Variants in ZNF578 observed in about 807,000 individuals in gnomAD.
The protein encoded by ZNF578 is zinc finger protein 578.
Under a neutral mutation model 8.3 loss-of-function variants are expected in ZNF578, and 8 were observed. The ratio of observed to expected loss-of-function variants is 0.96; its 90% CI spans 0.56 to 1.74. The LOEUF (loss-of-function observed/expected upper bound fraction) is 1.74, where lower values mean the gene tolerates loss of function less well. Ranked by LOEUF, ZNF578 falls within the 40% of genes most tolerant of loss-of-function variation. The probability of loss-of-function intolerance (pLI) is 0.00; values close to 1 mark genes in which losing one functional copy is unlikely to be tolerated. For synonymous variants in ZNF578, 206 were observed against 232.2 expected (o/e 0.89, Z 1.03); for missense variants, 726 against 707.5 (o/e 1.03, Z -0.30).
intron 3 of ZNF578, among the ~76,000 whole-genome samples, chr19:52,499,959 C>A (rs111243638): frequency 0.19 from 28,843 of 151,888 alleles, 2,931 homozygotes; most frequent in Non-Finnish European, 0.23. Context: ...TGTTCCAGCC[C>A]CACGGGCCGC....
intron 5 of ZNF578, among the ~76,000 whole-genome samples, chr19:52,509,463 A>T (rs1246940500): frequency 6.6e-6 from 1 of 152,154 alleles, no homozygotes; most frequent in African/African-American, 2.4e-5. Flanking sequence ...AGTATGTGGT[A>T]TGCAATATAA....
chr19:52,486,848 A>G (rs535933326), intron 2 of ZNF578, among the ~76,000 whole-genome samples: 1 of 152,136 alleles, frequency 6.6e-6, no homozygotes, highest in African/African-American at 2.4e-5. Flanking sequence ...AAGAGGTTAA[A>G]TAAGTTGTGA....
At chr19:52,492,476 A>G (rs11084169) in intron 3 of ZNF578, among the ~76,000 whole-genome samples, 24,093 of 152,178 alleles carry the variant, frequency 0.16, 2,363 homozygotes, top group East Asian at 0.37. Flanking sequence ...GGCGAATAGA[A>G]AGAGAGAGGA....
At chr19:52,490,562 A>T (rs1207101094) in intron 2 of ZNF578, among the ~76,000 whole-genome samples, 1 of 152,206 alleles carries the variant, frequency 6.6e-6, no homozygotes, top group Non-Finnish European at 1.5e-5. Flanking sequence ...ACACTGCACT[A>T]GTTAAATTCA....
intron 3 of ZNF578, among the ~76,000 whole-genome samples, 173 bp from the exon 4 acceptor site, chr19:52,501,654 A>G (rs115002246): frequency 1.3e-5 from 2 of 152,144 alleles, no homozygotes; most frequent in Admixed American, 6.5e-5. Context: ...AGGGTCAAAC[A>G]TACACTTATA....
At chr19:52,503,258 A>C (rs1012274104) in intron 4 of ZNF578, among the ~76,000 whole-genome samples, 2 of 152,128 alleles carry the variant, frequency 1.3e-5, no homozygotes, top group African/African-American at 4.8e-5. Context: ...ATAGCTTGCT[A>C]CAGCCTTGAT....
At chr19:52,477,098 T>A (rs1362540899) in intron 2 of ZNF578, among the ~76,000 whole-genome samples, 1 of 152,220 alleles carries the variant, frequency 6.6e-6, no homozygotes, top group Non-Finnish European at 1.5e-5. Flanking sequence ...AGTCAACTAC[T>A]CCAGGGACTA....
chr19:52,492,460 A>G (rs1186740722), intron 3 of ZNF578, among the ~76,000 whole-genome samples: 1 of 152,176 alleles, frequency 6.6e-6, no homozygotes, highest in Non-Finnish European at 1.5e-5. Context: ...TCCCTCCTGA[A>G]TGAATGGCGA....
chr19:52,454,149 G>T (rs2059231797), intron 1 of ZNF578: 1 of 152,176 alleles, frequency 6.6e-6, no homozygotes, highest in South Asian at 2.1e-4. Flanking sequence ...GACACTCAGT[G>T]TTTTTCCGTT....
chr19:52,458,484 T>TATATATATATATATATA (rs1167339096), intron 2 of ZNF578: 1 of 11,600 alleles, frequency 8.6e-5, no homozygotes, highest in Non-Finnish European at 2.4e-4. Context: ...ATATATATAT[T>TATATATATATATATATA]TTGAAAATCT....
rs778383782 is a variant in ZNF578 at position 52,501,908 on chromosome 19, G to T, written c.63G>T (p.Gln21His). 1.9e-5 allele frequency: 31 copies of T among 1,612,848 alleles called. 2 individuals are homozygous for T. The South Asian group carries it at 3.2e-4, about 17-fold the overall frequency. The change falls in exon 4 of 6, where the codon CAG (glutamine) becomes CAT (histidine). Residue 21 changes from glutamine (Q) to histidine (H), a missense_variant and splice_region_variant. Physicochemically the swap from Gln to His is conservative, Grantham distance 24. Coordinates refer to ENST00000421239, the MANE Select transcript of ZNF578 (RefSeq NM_001099694.2). The stretch of plus-strand genomic sequence containing the variant: ...AGGAGCCAGGCATGGCTCTTCCTCA[G>T]GTGAAGTGATATTCCTCTGTGGATT... ...KGKEPGMALP[Q>H]GRLTFRDVAI...
At position 52,459,713 on chromosome 19, in the gene ZNF578, A is replaced by ATGTGTGGATATGTG. The variant is rs1555751302; in HGVS notation, c.-122+2761_-122+2762insGATATGTGTGTGTG. Among the ~76,000 whole-genome samples the ATGTGTGGATATGTG allele has an allele frequency of 2.2e-3, 40 of 18,240 alleles. 1 individual carries two copies. Among genetic ancestry groups the ATGTGTGGATATGTG allele is most frequent in the African/African-American group, 5.7e-3 (40 of 7,036 alleles). The allele number at this position is 18,240 out of a possible 152,430, so 12.0% of individuals were successfully genotyped here. A position where few individuals can be genotyped will look rare whatever the true frequency, so the allele number is the denominator to read the frequency against. ...TGGGTATGAGTGTGTATATGTAGAT[A>ATGTGTGGATATGTG]TGTGTGTGTGTGTGTGTGTGTGTGT... On this transcript the variant is annotated intron_variant, in intron 2 of 5. Transcript: ENST00000421239.
chr19:52,498,706 G>A lies in ZNF578; in HGVS notation c.-19-3121G>A, dbSNP rs1438940335. 9.8e-5 allele frequency among the ~76,000 whole-genome samples: 5 copies of A among 51,242 alleles called. No individual in the cohort carries two copies. The South Asian group carries it at 1.7e-3, about 17-fold the overall frequency. 33.6% of individuals were successfully genotyped at this position (51,242 alleles called of 152,430 possible). A position where few individuals can be genotyped will look rare whatever the true frequency, so the allele number is the denominator to read the frequency against. The stretch of plus-strand genomic sequence containing the variant: ...CCGCTTTTTTTTTTTTTTTTTGTAA[G>A]ACAGAGTGTCACCCTATCACCCAGG... On this transcript the variant is annotated intron_variant, in intron 3 of 5. Transcript: ENST00000421239.
Position 52,498,883 on chromosome 19 carries a change from A to G in ZNF578, c.-19-2944A>G, listed in dbSNP as rs1364964481. The stretch of plus-strand genomic sequence containing the variant: ...ATTTTTGTTAGAGATGGGGTTTACT[A>G]TGTTGCCCGTGTTGGTCTCAGACTT... On this transcript the variant is annotated intron_variant, in intron 3 of 5. Coordinates refer to ENST00000421239, the MANE Select transcript of ZNF578 (RefSeq NM_001099694.2). Among the ~76,000 whole-genome samples the G allele has an allele frequency of 4.6e-5, 7 of 151,902 alleles. No individual in the cohort carries two copies. In the East Asian group the frequency reaches 5.8e-4, roughly 13 times the overall value.
intron 3 of ZNF578, among the ~76,000 whole-genome samples, chr19:52,495,897 T>A (rs920502766): frequency 4.7e-4 from 72 of 152,054 alleles, no homozygotes; most frequent in Non-Finnish European, 9.1e-4. Context: ...AGAAGTAGGG[T>A]AAGAAGTGAC....
intron 3 of ZNF578, among the ~76,000 whole-genome samples, chr19:52,501,323 G>A (rs1248307517): frequency 6.6e-6 from 1 of 152,214 alleles, no homozygotes; most frequent in Admixed American, 6.5e-5. Flanking sequence ...ACATTAGAGT[G>A]CGGAGCATTT....
intron 2 of ZNF578, among the ~76,000 whole-genome samples, chr19:52,483,878 G>T (rs1411760479): frequency 6.6e-6 from 1 of 152,098 alleles, no homozygotes; most frequent in Non-Finnish European, 1.5e-5. Context: ...CCACACTTGT[G>T]GGCGTTTCTC....
intron 2 of ZNF578, among the ~76,000 whole-genome samples, chr19:52,479,397 T>C (rs1290608607): frequency 6.6e-6 from 1 of 151,688 alleles, no homozygotes; most frequent in Non-Finnish European, 1.5e-5. Flanking sequence ...TAGACGGGTG[T>C]GGTGGCGGGC....
intron 4 of ZNF578, among the ~76,000 whole-genome samples, chr19:52,503,391 G>A (rs1432875056): frequency 2.6e-5 from 4 of 152,104 alleles, no homozygotes; most frequent in Non-Finnish European, 5.9e-5. Context: ...TGTTGCCCAG[G>A]TTGTATTGCA....
Sources: allele counts gnomAD v4.1 joint callset (sites outside exome capture counted in the v4.1 genomes callset), GRCh38; gene constraint gnomAD v4.1.1; transcripts MANE v1.5; gene names NCBI Gene and HGNC (gene_info 2026-07-23, HGNC 2026-07-21).